The following PIP4K2B variants were observed in gnomAD, a reference collection of about 807,000 sequenced individuals.
The protein encoded by PIP4K2B is phosphatidylinositol 5-phosphate 4-kinase type-2 beta.
A neutral mutation model predicts 42.0 loss-of-function variants in PIP4K2B; 3 were observed. The observed-to-expected ratio is 0.07, with a 90% CI of 0.03 to 0.18. The LOEUF is 0.18. Ranked by LOEUF, PIP4K2B falls within the 10% of genes least tolerant of loss-of-function variation. The probability of loss-of-function intolerance (pLI) is 1.00; values close to 1 mark genes in which losing one functional copy is unlikely to be tolerated. For missense variants in PIP4K2B, 332 were observed against 562.3 expected, an observed-to-expected ratio of 0.59 and a Z score of 4.14; for synonymous variants, 204 against 210.1, an observed-to-expected ratio of 0.97 and a Z score of 0.25.
intron 7 of PIP4K2B, among the ~76,000 whole-genome samples, chr17:38,771,670 T>G (rs1390666335): frequency 6.6e-6 from 1 of 151,546 alleles, no homozygotes; most frequent in East Asian, 1.9e-4. Context: ...AGGCAAGTAC[T>G]GCAGGTTAAA....
intron 1 of PIP4K2B, among the ~76,000 whole-genome samples, chr17:38,795,867 G>T (rs973578569): frequency 6.6e-6 from 1 of 150,382 alleles, no homozygotes; most frequent in Admixed American, 6.6e-5. Flanking sequence ...GGCCGGGTGC[G>T]ATGGCTCATG....
chr17:38,784,960 C>G (rs190728068), intron 2 of PIP4K2B, among the ~76,000 whole-genome samples: 55 of 152,316 alleles, frequency 3.6e-4, no homozygotes, highest in Non-Finnish European at 4.4e-4. Context: ...GAGGGCCCCT[C>G]TCCTCTGGCC....
In PIP4K2B at chr17:38,766,920, C is replaced by T. The variant is rs576689709; in HGVS notation, c.*2771G>A. On this transcript the variant is annotated 3_prime_UTR_variant, in exon 10 of 10. Coordinates refer to ENST00000619039, the MANE Select transcript of PIP4K2B (RefSeq NM_003559.5). ...CTGTGGCTGGGAGACTACAGTGTCT[C>T]GGCTGCGGACTTGTGGAAGAAGAGG... 5 of 152,520 alleles carry T rather than the reference C, an allele frequency of 3.3e-5. No individual in the cohort carries two copies. Among genetic ancestry groups the T allele is most frequent in the South Asian group, 2.1e-4 (1 of 4,830 alleles). The allele number at this position is 152,520 out of a possible 1,614,324, so 9.4% of individuals were successfully genotyped here.
intron 3 of PIP4K2B, among the ~76,000 whole-genome samples, chr17:38,780,896 A>G (rs1462853515): frequency 1.3e-5 from 2 of 152,064 alleles, no homozygotes; most frequent in African/African-American, 4.8e-5. Context: ...TATCCTACCA[A>G]CTAAAATTCT....
intron 7 of PIP4K2B, among the ~76,000 whole-genome samples, chr17:38,772,447 G>A (rs1167702879): frequency 6.6e-6 from 1 of 152,128 alleles, no homozygotes; most frequent in African/African-American, 2.4e-5. Flanking sequence ...GTAGCTGTCC[G>A]TAGCTGTCTT....
chr17:38,794,153 TAAAAG>T (rs1026696123), intron 1 of PIP4K2B, among the ~76,000 whole-genome samples: 1 of 152,140 alleles, frequency 6.6e-6, no homozygotes, highest in African/African-American at 2.4e-5. Context: ...TCAGCCTTAA[TAAAAG>T]AAGGAAATTC....
intron 1 of PIP4K2B, among the ~76,000 whole-genome samples, chr17:38,793,953 T>A (rs1253563320): frequency 6.6e-6 from 1 of 151,094 alleles, no homozygotes; most frequent in East Asian, 1.9e-4. Flanking sequence ...AGGAGAGAAA[T>A]TGAGCAGACT....
Position 38,779,368 on chromosome 17 carries a change from C to A in PIP4K2B, c.654+15G>T, listed in dbSNP as rs751488509. On this transcript the variant is annotated intron_variant, in intron 5 of 9. Coordinates refer to ENST00000619039, the MANE Select transcript of PIP4K2B (RefSeq NM_003559.5). ...AGAGGGGAGGCACAGCTCCGGCAAA[C>A]ACAGAGCCCTTTACCTTGAGGTCAT... 6.3e-7 allele frequency: 1 copy of A among 1,582,994 alleles called. No individual in the cohort carries two copies. Among genetic ancestry groups the A allele is most frequent in the Non-Finnish European group, 8.6e-7 (1 of 1,158,816 alleles).
At position 38,799,402 on chromosome 17, in the gene PIP4K2B, G is replaced by A. The variant is rs199783399; in HGVS notation, c.23C>T (p.Thr8Ile). ...GAGCGGCGCCACCGCCACCGCCGTG[G>A]TGCTGGTGCAGTTGGACGACATGCC... MSSNCTS[T>I]TAVAVAPLSA... Residue 8 changes from threonine (T) to isoleucine (I), a missense_variant, in exon 1 of 10, where the codon ACC (threonine) becomes ATC (isoleucine). This residue lies in a region of PIP4K2B where 186 missense variants were observed against 288.4 expected (regional missense o/e 0.64). Coordinates refer to ENST00000619039, the MANE Select transcript of PIP4K2B (RefSeq NM_003559.5). The surrounding 1 kb of genome is among the most constrained non-coding windows in gnomAD (Gnocchi z 4.4). The A allele has an allele frequency of 4.4e-6, 7 of 1,603,084 alleles. No homozygotes were observed. The Admixed American group carries it at 1.0e-4, about 23-fold the overall frequency.
chr17:38,770,555 G>T lies in PIP4K2B; in HGVS notation c.1067-16C>A. 1 of 1,436,298 alleles carries T rather than the reference G, an allele frequency of 7.0e-7. No homozygotes were observed. The highest frequency in any genetic ancestry group is 9.8e-7 in the Non-Finnish European group (1 of 1,020,636). 89.0% of individuals were successfully genotyped at this position (1,436,298 alleles called of 1,614,324 possible). A position where few individuals can be genotyped will look rare whatever the true frequency, so the allele number is the denominator to read the frequency against. ...TTGGGGGAACCTGGAGGGACAAGGA[G>T]AGCAGGGAAGAAGGAAGAGGGGGCA... On this transcript the variant is annotated splice_polypyrimidine_tract_variant and intron_variant, in intron 8 of 9. Transcript: ENST00000619039.
rs937715900 is a variant in PIP4K2B at position 38,768,662 on chromosome 17, G to A, written c.*1029C>T. The stretch of plus-strand genomic sequence containing the variant: ...GAGATCTGCCCAGAGCTAAGAGTTC[G>A]GCTAGAAGTAAGAGTGCCTGGGAGG... On this transcript the variant is annotated 3_prime_UTR_variant, in exon 10 of 10. Coordinates refer to ENST00000619039, the MANE Select transcript of PIP4K2B (RefSeq NM_003559.5). 4 of 152,164 alleles carry A rather than the reference G, an allele frequency of 2.6e-5. No homozygotes were observed. Among genetic ancestry groups the A allele is most frequent in the Non-Finnish European group, 4.4e-5 (3 of 68,050 alleles). The allele number at this position is 152,164 out of a possible 1,614,324, so 9.4% of individuals were successfully genotyped here.
chr17:38,799,161 G>C lies in PIP4K2B; in HGVS notation c.159+105C>G. Reference sequence around the variant, plus strand: ...TGGGCGTGCAAGTGGCTTGGCGAGGGGTGGCAGGCGTCACCGGCAGGGCCT... The same window carrying C: ...TGGGCGTGCAAGTGGCTTGGCGAGGCGTGGCAGGCGTCACCGGCAGGGCCT... On this transcript the variant is annotated intron_variant, in intron 1 of 9. Coordinates refer to ENST00000619039, the MANE Select transcript of PIP4K2B (RefSeq NM_003559.5). The surrounding 1 kb of genome is among the most constrained non-coding windows in gnomAD (Gnocchi z 4.4). 1 of 1,231,292 alleles carries C rather than the reference G, an allele frequency of 8.1e-7. No homozygotes were observed. The highest frequency in any genetic ancestry group is 1.1e-6 in the Non-Finnish European group (1 of 925,352). The allele number at this position is 1,231,292 out of a possible 1,614,324, so 76.3% of individuals were successfully genotyped here.
chr17:38,789,070 C>T (rs767976790), intron 1 of PIP4K2B, among the ~76,000 whole-genome samples: 24 of 152,164 alleles, frequency 1.6e-4, no homozygotes, highest in Admixed American at 5.9e-4. Flanking sequence ...AGTGAGCTGA[C>T]TGCACCACTG....
chr17:38,777,078 G>A (rs1032903089), intron 7 of PIP4K2B, among the ~76,000 whole-genome samples: 1 of 151,892 alleles, frequency 6.6e-6, no homozygotes, highest in Non-Finnish European at 1.5e-5. Context: ...TTCGGTTTTT[G>A]TTTTGAGACA....
chr17:38,780,743 C>A, intron 3 of PIP4K2B, 139 bp from the exon 4 acceptor site: 1 of 724,498 alleles, frequency 1.4e-6, no homozygotes, highest in Non-Finnish European at 2.2e-6. Flanking sequence ...AGTTTACCCT[C>A]CCCTTTTCTC....
At chr17:38,777,887 G>A in intron 6 of PIP4K2B, 87 bp from the exon 7 acceptor site, 1 of 924,552 alleles carries the variant, frequency 1.1e-6, no homozygotes, top group Non-Finnish European at 1.8e-6. Flanking sequence ...CAACTATACA[G>A]AAAGGGGAAG....
chr17:38,784,278 G>A lies in PIP4K2B; in HGVS notation c.319C>T (p.Arg107Trp). 1 of 1,613,476 alleles carries A rather than the reference G, an allele frequency of 6.2e-7. No homozygotes were observed. The highest frequency in any genetic ancestry group is 8.5e-7 in the Non-Finnish European group (1 of 1,179,476). The change falls in exon 3 of 10, where the codon CGG becomes TGG. Residue 107 changes from arginine to tryptophan, a missense_variant. Arg to Trp is a moderately radical substitution (Grantham distance 101, BLOSUM62 -3). Around this residue, in one of 6 missense-constraint regions of PIP4K2B, gnomAD observed 186 missense variants for 288.4 expected, o/e 0.64. Transcript: ENST00000619039. ...EYCPMVFRNL[R>W]ERFGIDDQDY... ...TGATCATCAATTCCAAACCTCTCCC[G>A]AAGGTTTCGGAACACCATGGGGCAA...
chr17:38,776,767 G>C (rs565800649), intron 7 of PIP4K2B: 134 of 334,184 alleles, frequency 4.0e-4, no homozygotes, highest in South Asian at 3.2e-3. Flanking sequence ...TATTAAAAGA[G>C]AAGGAGACGC....
At position 38,780,320 on chromosome 17, in the gene PIP4K2B, T is replaced by C. The variant is rs1909626379; in HGVS notation, c.507+132A>G. The C allele has an allele frequency of 7.5e-6, 5 of 663,080 alleles. No homozygotes were observed. The South Asian group carries it at 9.8e-5, about 13-fold the overall frequency. 41.1% of individuals were successfully genotyped at this position (663,080 alleles called of 1,614,324 possible). On this transcript the variant is annotated intron_variant, in intron 4 of 9. Transcript: ENST00000619039. Reference sequence around the variant, plus strand: ...TCACAGAAATACGGTTGCAGGAGAGTCCCACTGCTTGGTGATCAGAAGCAG... The same window carrying C: ...TCACAGAAATACGGTTGCAGGAGAGCCCCACTGCTTGGTGATCAGAAGCAG...
Sources: gnomAD v4.1 joint callset for allele counts (sites outside exome capture counted in the v4.1 genomes callset) on GRCh38, gnomAD v4.1.1 for gene constraint, gnomAD v4.1.1 regional missense constraint, Gnocchi (gnomAD v3.1) non-coding constraint, MANE v1.5 for transcripts, NCBI Gene and HGNC (gene_info 2026-07-23, HGNC 2026-07-21) for gene names.